The following MDFIC2 variants were observed in gnomAD, a reference collection of about 807,000 sequenced individuals.
The protein encoded by MDFIC2 is MyoD family inhibitor domain containing 2.
At chr3:70,215,305 C>A (rs1459591462) in intron 2 of MDFIC2, among the ~76,000 whole-genome samples, 2 of 152,066 alleles carry the variant, frequency 1.3e-5, no homozygotes. Context: ...CTTCTAATTC[C>A]TATGGCAGTC....
intron 2 of MDFIC2, among the ~76,000 whole-genome samples, chr3:70,242,810 T>G (rs1701675344): frequency 6.6e-6 from 1 of 152,158 alleles, no homozygotes; most frequent in Non-Finnish European, 1.5e-5. Flanking sequence ...GCATTGGTAA[T>G]CTAATTTTTG....
At chr3:70,271,094 G>A (rs938732353) in intron 2 of MDFIC2, among the ~76,000 whole-genome samples, 2 of 152,020 alleles carry the variant, frequency 1.3e-5, no homozygotes, top group Non-Finnish European at 2.9e-5. Context: ...GCCATTTATC[G>A]AAGCTGGGAA....
At chr3:70,312,254 C>T (rs1702460726) in intron 1 of MDFIC2, among the ~76,000 whole-genome samples, 1 of 152,158 alleles carries the variant, frequency 6.6e-6, no homozygotes, top group Admixed American at 6.6e-5. Flanking sequence ...AGATTAACAA[C>T]TAGCCATGGA....
intron 2 of MDFIC2, among the ~76,000 whole-genome samples, chr3:70,292,873 T>G (rs781382057): frequency 6.6e-6 from 1 of 151,986 alleles, no homozygotes; most frequent in Admixed American, 6.6e-5. Context: ...ATAGAAATAC[T>G]ATATAATGAA....
chr3:70,197,387 T>G (rs1026280951), intron 3 of MDFIC2, among the ~76,000 whole-genome samples: 1 of 152,220 alleles, frequency 6.6e-6, no homozygotes, highest in African/African-American at 2.4e-5. Flanking sequence ...CTTTATTAAC[T>G]TCCTGAGCAT....
intron 2 of MDFIC2, among the ~76,000 whole-genome samples, chr3:70,311,094 A>G (rs960785092): frequency 7.9e-5 from 12 of 152,224 alleles, no homozygotes; most frequent in Non-Finnish European, 1.5e-4. Flanking sequence ...AATTAACATG[A>G]CATATTTATT....
intron 2 of MDFIC2, among the ~76,000 whole-genome samples, chr3:70,304,839 C>A (rs1011919447): frequency 1.1e-4 from 17 of 152,114 alleles, no homozygotes; most frequent in Non-Finnish European, 2.5e-4. Context: ...CCCAACTGAC[C>A]AACAAGGTTC....
At chr3:70,202,307 A>G (rs183134144) in intron 3 of MDFIC2, among the ~76,000 whole-genome samples, 16 of 152,268 alleles carry the variant, frequency 1.1e-4, no homozygotes, top group Non-Finnish European at 1.9e-4. Context: ...CTAGTGCTCT[A>G]TCTGATAGTG....
chr3:70,234,353 A>C (rs963935772), intron 2 of MDFIC2, among the ~76,000 whole-genome samples: 9 of 152,308 alleles, frequency 5.9e-5, no homozygotes, highest in Admixed American at 2.6e-4. Flanking sequence ...AGTACTGATA[A>C]AATTCCAGTG....
intron 2 of MDFIC2, among the ~76,000 whole-genome samples, chr3:70,225,942 TTGA>T (rs1340804523): frequency 1.3e-5 from 2 of 152,208 alleles, no homozygotes; most frequent in Non-Finnish European, 2.9e-5. Context: ...AAGTGGTCTT[TTGA>T]TGATGCTTAC....
intron 2 of MDFIC2, among the ~76,000 whole-genome samples, chr3:70,302,214 A>T (rs973967514): frequency 1.3e-5 from 2 of 152,166 alleles, no homozygotes; most frequent in Non-Finnish European, 2.9e-5. Context: ...TTATGCCTGT[A>T]GAGTGATGTC....
chr3:70,278,177 A>G (rs1056881950), intron 2 of MDFIC2, among the ~76,000 whole-genome samples: 7 of 152,240 alleles, frequency 4.6e-5, no homozygotes, highest in Non-Finnish European at 1.0e-4. Context: ...AAATGGGCTC[A>G]TAGTGTATAT....
At chr3:70,279,286 A>G (rs1243223575) in intron 2 of MDFIC2, among the ~76,000 whole-genome samples, 1 of 152,052 alleles carries the variant, frequency 6.6e-6, no homozygotes, top group Admixed American at 6.6e-5. Flanking sequence ...CAAGACTCTG[A>G]GAGATCAAAC....
intron 2 of MDFIC2, among the ~76,000 whole-genome samples, chr3:70,243,849 G>T (rs1240532833): frequency 6.6e-6 from 1 of 152,184 alleles, no homozygotes; most frequent in Admixed American, 6.5e-5. Flanking sequence ...TGTCTAGGAG[G>T]ATATGTGGAG....
chr3:70,311,978 G>C lies in MDFIC2; in HGVS notation c.1-5C>G. The C allele has an allele frequency of 5.0e-6, 2 of 397,696 alleles. No individual in the cohort carries two copies. Among genetic ancestry groups the C allele is most frequent in the Non-Finnish European group, 8.9e-6 (2 of 225,562 alleles). 24.6% of individuals were successfully genotyped at this position (397,696 alleles called of 1,614,324 possible). The stretch of plus-strand genomic sequence containing the variant: ...TTCCAGCTCAGTTTCTGACATCTAA[G>C]TGGAAACAGAATTTGTGATATAAAA... On this transcript the variant is annotated splice_polypyrimidine_tract_variant and splice_region_variant and intron_variant, in intron 1 of 3. Transcript: ENST00000567252.
chr3:70,197,641 G>C (rs913113525), intron 3 of MDFIC2, among the ~76,000 whole-genome samples: 90 of 152,266 alleles, frequency 5.9e-4, no homozygotes, highest in African/African-American at 1.9e-3. Context: ...GTTATTTTTC[G>C]ACATGGATTC....
chr3:70,310,140 G>C (rs1262333089), intron 2 of MDFIC2, among the ~76,000 whole-genome samples: 2 of 151,870 alleles, frequency 1.3e-5, no homozygotes, highest in African/African-American at 2.4e-5. Context: ...GTTTTTAAAG[G>C]ATTCTATTTA....
intron 2 of MDFIC2, among the ~76,000 whole-genome samples, chr3:70,230,795 T>A (rs1701552341): frequency 1.3e-5 from 2 of 152,140 alleles, no homozygotes; most frequent in African/African-American, 4.8e-5. Context: ...GAGACCAAGG[T>A]CCAAATACGT....
intron 2 of MDFIC2, among the ~76,000 whole-genome samples, chr3:70,210,260 G>A (rs1701330345): frequency 6.6e-6 from 1 of 152,120 alleles, no homozygotes. Context: ...CACTAGGCTT[G>A]TACTGAGAGA....
Sources: allele counts gnomAD v4.1 joint callset (sites outside exome capture counted in the v4.1 genomes callset), GRCh38; gene constraint gnomAD v4.1.1; transcripts MANE v1.5; gene names NCBI Gene and HGNC (gene_info 2026-07-23, HGNC 2026-07-21).